Variants in TAS2R30 observed in about 807,000 individuals in gnomAD.
TAS2R30 encodes taste 2 receptor member 30.
For missense variants in TAS2R30, 395 were observed against 371.6 expected (o/e 1.06, Z -0.52); for synonymous variants, 141 against 131.6 (o/e 1.07, Z -0.49).
At chr12:11,134,015 C>G in exon 1 of TAS2R30, 1 of 1,614,084 alleles carries the variant, frequency 6.2e-7, no homozygotes, top group East Asian at 2.2e-5. Context: ...TACTTCTACA[C>G]TATAAAAAGC....
At chr12:11,133,841 C>G (rs1327386611) in exon 1 of TAS2R30, 2 of 1,614,034 alleles carry the variant, frequency 1.2e-6, no homozygotes, top group South Asian at 2.2e-5. Flanking sequence ...TAGCAAAGGC[C>G]CCAACAGTAT....
At chr12:11,133,424 G>A (rs1328044292) in exon 1 of TAS2R30, 1 of 1,613,830 alleles carries the variant, frequency 6.2e-7, no homozygotes, top group African/African-American at 1.3e-5. Context: ...GAATGGGTGG[G>A]TTGAAGGATA....
exon 1 of TAS2R30, chr12:11,133,864 ACTCTTAACTCTC>A (rs1472516661): frequency 6.2e-7 from 1 of 1,613,934 alleles, no homozygotes. Context: ...CCAGAACAAC[ACTCTTAACTCTC>A]CTCTTTATGC....
chr12:11,133,587 T>C, exon 1 of TAS2R30: 1 of 1,614,272 alleles, frequency 6.2e-7, no homozygotes, highest in Non-Finnish European at 8.5e-7. Context: ...ACCTTGGTGC[T>C]GGGATCTTGA....
chr12:11,133,321 G>C (rs369010511), exon 1 of TAS2R30: 2 of 1,613,518 alleles, frequency 1.2e-6, no homozygotes, highest in African/African-American at 2.7e-5. Context: ...TGAATCTATG[G>C]AGACGAAGGC....
At chr12:11,133,144 T>C (rs202119825) in exon 1 of TAS2R30, 163 of 882,744 alleles carry the variant, frequency 1.8e-4, no homozygotes, top group Non-Finnish European at 2.5e-4. Flanking sequence ...CACACACACA[T>C]CTATATATAT....
chr12:11,133,790 G>C (rs879168306), exon 1 of TAS2R30: 6 of 1,584,390 alleles, frequency 3.8e-6, no homozygotes. Flanking sequence ...TGTCCATACA[G>C]TCTCATCCAT....
chr12:11,133,786 TAC>T, the TAS2R30 span: 2 of 1,614,208 alleles, frequency 1.2e-6, no homozygotes, highest in Admixed American at 3.3e-5. Context: ...CTTTTGTCCA[TAC>T]AGTCTCATCC....
chr12:11,133,916 A>C (rs1410336519), exon 1 of TAS2R30: 15 of 1,614,050 alleles, frequency 9.3e-6, no homozygotes, highest in Non-Finnish European at 1.2e-5. Flanking sequence ...GAAATTGGCA[A>C]TCCTGAGCAA....
chr12:11,133,947 T>C (rs748299614), exon 1 of TAS2R30: 10 of 1,614,014 alleles, frequency 6.2e-6, no homozygotes, highest in African/African-American at 1.3e-5. Flanking sequence ...CTGAGGCTAG[T>C]AGCAAGCCAG....
rs1946484981 is a variant in TAS2R30 at position 11,134,329 on chromosome 12, A to T, written c.-85T>A. ...CTTGAATATCCTGACCTTAAATTCT[A>T]TATGCACCTGATTTGTGTATGTGCT... On this transcript the variant is annotated 5_prime_UTR_variant, in exon 1 of 1. The change abolishes the stop of an existing upstream ORF in the 5' untranslated region. Coordinates refer to ENST00000539585, the Ensembl canonical transcript of TAS2R30. The T allele has an allele frequency of 7.9e-7, 1 of 1,265,166 alleles. No homozygotes were observed. The highest frequency in any genetic ancestry group is 1.5e-5 in the African/African-American group (1 of 66,870). 78.4% of individuals were successfully genotyped at this position (1,265,166 alleles called of 1,614,324 possible).
Position 11,133,328 on chromosome 12 carries a change from A to T in TAS2R30, c.917T>A (p.Leu306His), listed in dbSNP as rs1253560650. The stretch of plus-strand genomic sequence containing the variant: ...CCCTCTTGTGAATCTATGGAGACGA[A>T]GGCTTCTGTCTTTCACCCAGTACCT... The change falls in exon 1 of 1, where the codon CTT becomes CAT. Residue 306 changes from leucine (L) to histidine (H), a missense_variant. Coordinates refer to ENST00000539585, the Ensembl canonical transcript of TAS2R30. The T allele has an allele frequency of 1.9e-6, 3 of 1,613,592 alleles. No homozygotes were observed. In the African/African-American group the frequency reaches 4.0e-5, roughly 22 times the overall value.
exon 1 of TAS2R30, chr12:11,134,530 T>C (rs879827030): frequency 2.8e-6 from 1 of 357,204 alleles, no homozygotes; most frequent in Admixed American, 4.4e-5. Flanking sequence ...TTATTCATAC[T>C]GAAATTGACA....
chr12:11,133,973 GTTACTGCCCAGACA>G, the TAS2R30 span: 6 of 1,613,930 alleles, frequency 3.7e-6, no homozygotes, highest in African/African-American at 8.0e-5. Flanking sequence ...GAAATGGTTG[GTTACTGCCCAGACA>G]TTATAAGCAG....
At chr12:11,133,199 AC>A in exon 1 of TAS2R30, 1 of 1,495,078 alleles carries the variant, frequency 6.7e-7, no homozygotes, top group Non-Finnish European at 8.9e-7. Context: ...TTCTAGGTAT[AC>A]ATGTGGAAAT....
chr12:11,133,984 G>T, exon 1 of TAS2R30: 1 of 1,614,102 alleles, frequency 6.2e-7, no homozygotes, highest in Middle Eastern at 1.6e-4. Context: ...TTACTGCCCA[G>T]ACATTATAAG....
At position 11,134,480 on chromosome 12, in the gene TAS2R30, A is replaced by C. The variant is rs1040563264; in HGVS notation, c.-236T>G. On this transcript the variant is annotated 5_prime_UTR_variant, in exon 1 of 1. An upstream open reading frame in the 5' UTR gains an earlier in-frame stop. Transcript: ENST00000539585. ...TCTTATTTTCAAAACAATTCAAATTAACTGACTCATTCACCATCTGTTCTT... is the reference window on the plus strand; with the variant it reads ...TCTTATTTTCAAAACAATTCAAATTCACTGACTCATTCACCATCTGTTCTT... 2 of 523,304 alleles carry C rather than the reference A, an allele frequency of 3.8e-6. No individual in the cohort carries two copies. Among genetic ancestry groups the C allele is most frequent in the African/African-American group, 3.8e-5 (2 of 52,078 alleles). 32.4% of individuals were successfully genotyped at this position (523,304 alleles called of 1,614,324 possible). A position where few individuals can be genotyped will look rare whatever the true frequency, so the allele number is the denominator to read the frequency against.
At chr12:11,134,385 A>T in exon 1 of TAS2R30, 1 of 1,081,654 alleles carries the variant, frequency 9.2e-7, no homozygotes, top group South Asian at 1.8e-5. Context: ...AATTGCTGTG[A>T]CCAGTGTCAA....
chr12:11,133,771 A>G, exon 1 of TAS2R30: 1 of 1,614,200 alleles, frequency 6.2e-7, no homozygotes, highest in Non-Finnish European at 8.5e-7. Context: ...CGTTTCCTTC[A>G]TATTCTTTTG....
Sources: allele counts gnomAD v4.1 joint callset, GRCh38; gene constraint gnomAD v4.1.1; transcripts MANE v1.5; gene names NCBI Gene and HGNC (gene_info 2026-07-23, HGNC 2026-07-21).